IMMP2L: variants seen among roughly 807,000 people sequenced by gnomAD.
The protein encoded by IMMP2L is mitochondrial inner membrane protease subunit 2.
A neutral mutation model predicts 19.3 loss-of-function variants in IMMP2L; 18 were observed. That is an observed-to-expected ratio of 0.93 (90% CI 0.64 to 1.38). The LOEUF is 1.38. IMMP2L is among the 40% of genes most tolerant of loss of function. The probability of loss-of-function intolerance (pLI) is 0.00; values close to 1 mark genes in which losing one functional copy is unlikely to be tolerated. For missense variants in IMMP2L, 233 were observed against 218.2 expected (o/e 1.07, Z -0.43); for synonymous variants, 76 against 73.0 (o/e 1.04, Z -0.21).
intron 5 of IMMP2L, among the ~76,000 whole-genome samples, chr7:110,688,722 A>G (rs1197184292): frequency 6.6e-6 from 1 of 152,100 alleles, no homozygotes; most frequent in African/African-American, 2.4e-5. Context: ...CTATACTGAC[A>G]ATAAAGATAT....
intron 5 of IMMP2L, among the ~76,000 whole-genome samples, chr7:110,699,287 T>C (rs140388361): frequency 6.8e-4 from 103 of 152,290 alleles, no homozygotes; most frequent in Admixed American, 2.8e-3. Flanking sequence ...TAATATCTCA[T>C]TTAATGGTAC....
intron 3 of IMMP2L, among the ~76,000 whole-genome samples, chr7:111,342,125 A>G (rs1317963364): frequency 6.6e-6 from 1 of 152,224 alleles, no homozygotes; most frequent in African/African-American, 2.4e-5. Context: ...AGACAATATT[A>G]AAAGAGAGAT....
chr7:111,267,598 G>A (rs1351184628), intron 3 of IMMP2L, among the ~76,000 whole-genome samples: 2 of 152,084 alleles, frequency 1.3e-5, no homozygotes, highest in Admixed American at 6.6e-5. Flanking sequence ...TTCTCTCACC[G>A]ATTTACTGGG....
chr7:111,363,466 A>G (rs755250914), intron 3 of IMMP2L, among the ~76,000 whole-genome samples: 1 of 152,092 alleles, frequency 6.6e-6, no homozygotes, highest in South Asian at 2.1e-4. Flanking sequence ...CTCCTTTTTG[A>G]TCATAATAAA....
At chr7:111,014,535 A>G (rs1825306449) in intron 3 of IMMP2L, among the ~76,000 whole-genome samples, 1 of 152,146 alleles carries the variant, frequency 6.6e-6, no homozygotes, top group Admixed American at 6.6e-5. Flanking sequence ...GATTTCTTGG[A>G]TATGAAATGA....
chr7:110,727,020 T>C lies in IMMP2L; in HGVS notation c.409-63299A>G, dbSNP rs1407379754. On this transcript the variant is annotated intron_variant, in intron 5 of 5. Coordinates refer to ENST00000405709, the MANE Select transcript of IMMP2L (RefSeq NM_032549.4). The surrounding 1 kb of genome is among the most constrained non-coding windows in gnomAD (Gnocchi z 4.3). Reference sequence around the variant, plus strand: ...TTGGCTTTATTAGCAAGAATGGAAATGCTTCCTTAGGCATTAAATAATTGC... The same window carrying C: ...TTGGCTTTATTAGCAAGAATGGAAACGCTTCCTTAGGCATTAAATAATTGC... Among the ~76,000 whole-genome samples the C allele has an allele frequency of 6.6e-6, 1 of 152,218 alleles. No homozygotes were observed. The highest frequency in any genetic ancestry group is 1.5e-5 in the Non-Finnish European group (1 of 68,046).
intron 3 of IMMP2L, among the ~76,000 whole-genome samples, chr7:111,134,966 A>G (rs560236462): frequency 6.6e-6 from 1 of 152,202 alleles, no homozygotes; most frequent in Non-Finnish European, 1.5e-5. Flanking sequence ...TAAACAAAAT[A>G]TTTACTAAAT....
At chr7:110,871,051 A>G (rs1046520694) in intron 5 of IMMP2L, among the ~76,000 whole-genome samples, 24 of 152,164 alleles carry the variant, frequency 1.6e-4, no homozygotes, top group African/African-American at 5.8e-4. Context: ...CGTTGGTGGA[A>G]GAGTAAAAGG....
At chr7:111,521,093 C>A (rs776583629) in intron 2 of IMMP2L, among the ~76,000 whole-genome samples, 25 of 152,022 alleles carry the variant, frequency 1.6e-4, no homozygotes, top group Non-Finnish European at 2.8e-4. Context: ...AAACTACAGA[C>A]CCAGAGAACT....
chr7:111,200,884 C>G (rs1810030573), intron 3 of IMMP2L, among the ~76,000 whole-genome samples: 1 of 152,034 alleles, frequency 6.6e-6, no homozygotes, highest in South Asian at 2.1e-4. Flanking sequence ...ATTTAGTACT[C>G]CTGCAAGAAC....
At chr7:111,023,784 G>C (rs1398847673) in intron 3 of IMMP2L, among the ~76,000 whole-genome samples, 2 of 152,182 alleles carry the variant, frequency 1.3e-5, no homozygotes, top group East Asian at 3.9e-4. Flanking sequence ...TGACGGGGAT[G>C]TAGTGGTTAA....
At chr7:110,808,289 T>C (rs1428208450) in intron 5 of IMMP2L, among the ~76,000 whole-genome samples, 1 of 152,138 alleles carries the variant, frequency 6.6e-6, no homozygotes, top group East Asian at 1.9e-4. Context: ...TTTGGCTTGG[T>C]GGTAGTAGGC....
intron 3 of IMMP2L, among the ~76,000 whole-genome samples, chr7:111,203,196 T>C (rs940484206): frequency 2.0e-5 from 3 of 152,168 alleles, no homozygotes; most frequent in Admixed American, 6.5e-5. Context: ...GTCACCTTAA[T>C]AGGCAAGACG....
intron 3 of IMMP2L, among the ~76,000 whole-genome samples, chr7:111,152,029 T>C (rs536795429): frequency 2.0e-5 from 3 of 152,132 alleles, no homozygotes; most frequent in Non-Finnish European, 2.9e-5. Flanking sequence ...TCTGTATGAA[T>C]GACCTTATCC....
chr7:111,149,893 T>G (rs1467677145), intron 3 of IMMP2L, among the ~76,000 whole-genome samples: 1 of 152,198 alleles, frequency 6.6e-6, no homozygotes, highest in African/African-American at 2.4e-5. Flanking sequence ...ACTCATCAAA[T>G]TTTTATTTAA....
intron 1 of IMMP2L, among the ~76,000 whole-genome samples, chr7:111,548,468 TG>T (rs1188144031): frequency 2.0e-5 from 3 of 152,148 alleles, no homozygotes; most frequent in Non-Finnish European, 2.9e-5. Context: ...TCCACCGTTC[TG>T]TCTTTAGATA....
At chr7:111,556,018 G>GTATATATATATATATATA (rs1554550149) in intron 1 of IMMP2L, among the ~76,000 whole-genome samples, 1,026 of 91,118 alleles carry the variant, frequency 0.011, 59 homozygotes, top group East Asian at 0.034. Flanking sequence ...CTGTGTGCAT[G>GTATATATATATATATATA]TATATATATA....
At chr7:111,017,817 G>C (rs1825861955) in intron 3 of IMMP2L, among the ~76,000 whole-genome samples, 1 of 151,992 alleles carries the variant, frequency 6.6e-6, no homozygotes, top group Admixed American at 6.6e-5. Context: ...GGAGCCATCA[G>C]AAGAAGAGAA....
intron 3 of IMMP2L, among the ~76,000 whole-genome samples, chr7:111,274,151 A>T (rs1818773197): frequency 6.6e-6 from 1 of 152,150 alleles, no homozygotes; most frequent in African/African-American, 2.4e-5. Flanking sequence ...AATAAAATAT[A>T]GTAGATAGTT....
Sources: gnomAD v4.1 joint callset for allele counts (sites outside exome capture counted in the v4.1 genomes callset) on GRCh38, gnomAD v4.1.1 for gene constraint, Gnocchi (gnomAD v3.1) non-coding constraint, MANE v1.5 for transcripts, NCBI Gene and HGNC (gene_info 2026-07-23, HGNC 2026-07-21) for gene names.